The following ATP9B variants were observed in gnomAD, a reference collection of about 807,000 sequenced individuals.
ATP9B encodes probable phospholipid-transporting ATPase IIB.
Under a neutral mutation model 146.1 loss-of-function variants are expected in ATP9B, and 110 were observed. The observed-to-expected ratio is 0.75, with a 90% CI of 0.65 to 0.88. ATP9B has a LOEUF of 0.88. ATP9B is among the 40% of genes least tolerant of loss of function. ATP9B has a pLI of 0.00. For missense variants in ATP9B, 1,499 were observed against 1,496.4 expected (o/e 1.00, Z -0.03); for synonymous variants, 604 against 569.7 (o/e 1.06, Z -0.86).
chr18:79,313,758 T>G (rs1287953736), intron 15 of ATP9B, among the ~76,000 whole-genome samples: 1 of 152,224 alleles, frequency 6.6e-6, no homozygotes, highest in Non-Finnish European at 1.5e-5. Flanking sequence ...AACCTTACAG[T>G]TAAATTTTTT....
intron 7 of ATP9B, among the ~76,000 whole-genome samples, chr18:79,171,883 T>TG (rs2095077608): frequency 2.1e-5 from 3 of 144,758 alleles, no homozygotes; most frequent in African/African-American, 8.2e-5. Context: ...GACTCGTTTT[T>TG]TTTTGTTTGT....
intron 8 of ATP9B, among the ~76,000 whole-genome samples, chr18:79,178,553 G>A (rs1404559796): frequency 6.6e-6 from 1 of 152,090 alleles, no homozygotes; most frequent in African/African-American, 2.4e-5. Flanking sequence ...TCTAGTCTTA[G>A]TTTGCTGAGA....
intron 11 of ATP9B, among the ~76,000 whole-genome samples, chr18:79,221,397 G>A (rs898790486): frequency 1.3e-5 from 2 of 152,216 alleles, no homozygotes; most frequent in African/African-American, 4.8e-5. Flanking sequence ...TCAGCTGCAG[G>A]TTCATTGAGG....
chr18:79,193,271 A>T lies in ATP9B; in HGVS notation c.954+8A>T. The T allele has an allele frequency of 1.3e-6, 2 of 1,588,876 alleles. No individual in the cohort carries two copies. Among genetic ancestry groups the T allele is most frequent in the South Asian group, 2.2e-5 (2 of 90,332 alleles). On this transcript the variant is annotated splice_region_variant and intron_variant, in intron 9 of 29. Transcript: ENST00000426216. Reference sequence around the variant, plus strand: ...GAAGGCACATTTACCAGGGTAAGTTAAACCTGTTGTTCAATACAAATAGAG... The same window carrying T: ...GAAGGCACATTTACCAGGGTAAGTTTAACCTGTTGTTCAATACAAATAGAG...
At chr18:79,345,344 C>T in intron 21 of ATP9B, 84 bp from the exon 22 acceptor site, 1 of 1,512,064 alleles carries the variant, frequency 6.6e-7, no homozygotes, top group South Asian at 1.2e-5. Flanking sequence ...GCTTTGCTCC[C>T]ATGGTTTTGC....
At chr18:79,094,963 G>A (rs1158431468) in intron 1 of ATP9B, among the ~76,000 whole-genome samples, 1 of 152,160 alleles carries the variant, frequency 6.6e-6, no homozygotes, top group Non-Finnish European at 1.5e-5. Flanking sequence ...TGGCCTCTGG[G>A]TACTTAAAAC....
intron 12 of ATP9B, among the ~76,000 whole-genome samples, chr18:79,269,137 C>T (rs925370876): frequency 5.9e-5 from 9 of 152,202 alleles, no homozygotes; most frequent in Non-Finnish European, 1.3e-4. Context: ...TCAGATGCTG[C>T]CCCGTCCCCA....
chr18:79,200,750 T>TGGAGGTGGGAACTGTCGGGGC (rs1568388691), intron 9 of ATP9B, among the ~76,000 whole-genome samples: 5 of 73,882 alleles, frequency 6.8e-5, no homozygotes, highest in Admixed American at 1.4e-4. Flanking sequence ...AGAGCAGAGG[T>TGGAGGTGGGAACTGTCGGGGC]GGAGGTGGGA....
intron 5 of ATP9B, among the ~76,000 whole-genome samples, chr18:79,143,532 CATG>C (rs945355473): frequency 6.6e-6 from 1 of 152,144 alleles, no homozygotes; most frequent in Non-Finnish European, 1.5e-5. Context: ...AATTACAAAA[CATG>C]GGAATAATCT....
chr18:79,343,850 C>A (rs2096871767), intron 20 of ATP9B: 1 of 265,218 alleles, frequency 3.8e-6, no homozygotes, highest in Non-Finnish European at 7.2e-6. Flanking sequence ...GTTAAATAAT[C>A]ACCTCGTGGG....
At chr18:79,253,590 G>A in intron 12 of ATP9B, 49 bp downstream of exon 12, 1 of 1,497,404 alleles carries the variant, frequency 6.7e-7, no homozygotes, top group Non-Finnish European at 9.0e-7. Flanking sequence ...CATTGAGTAT[G>A]ATTTTATTGA....
intron 29 of ATP9B, chr18:79,376,214 C>CACACAAAAAAAA: frequency 4.8e-4 from 424 of 882,752 alleles, no homozygotes; most frequent in African/African-American, 2.5e-3. Flanking sequence ...CACACACACA[C>CACACAAAAAAAA]AAAACAAAAC....
At chr18:79,197,755 CAA>C (rs1460788741) in intron 9 of ATP9B, among the ~76,000 whole-genome samples, 2 of 152,060 alleles carry the variant, frequency 1.3e-5, no homozygotes, top group Admixed American at 6.6e-5. Flanking sequence ...AAGTAGAAAA[CAA>C]AGAGCAGCAA....
At chr18:79,071,276 G>C (rs1483987727) in intron 1 of ATP9B, among the ~76,000 whole-genome samples, 1 of 150,534 alleles carries the variant, frequency 6.6e-6, no homozygotes, top group Admixed American at 6.6e-5. Flanking sequence ...TCATGTCCTG[G>C]GTATCAGATG....
In ATP9B at chr18:79,373,979, T is replaced by G; in HGVS notation, c.3152T>G (p.Ile1051Ser). 1.2e-6 allele frequency: 2 copies of G among 1,614,094 alleles called. No individual in the cohort carries two copies. The highest frequency in any genetic ancestry group is 1.7e-6 in the Non-Finnish European group (2 of 1,180,032). The stretch of plus-strand genomic sequence containing the variant: ...GTGGCCATCTCCTTCACCGCACTGA[T>G]CCTGACCGAGCTGCTGATGGTGGCG... ...HVVAISFTAL[I>S]LTELLMVALT... is the part of the protein sequence containing the mutation. Residue 1051 changes from isoleucine (I) to serine (S), a missense_variant, in exon 28 of 30, where the codon ATC (isoleucine) becomes AGC (serine). By Grantham distance (142) the Ile-to-Ser change is moderately radical. Coordinates refer to ENST00000426216, the MANE Select transcript of ATP9B (RefSeq NM_198531.5).
intron 10 of ATP9B, chr18:79,209,405 A>T (rs533397831): frequency 6.6e-6 from 1 of 152,320 alleles, no homozygotes; most frequent in East Asian, 1.9e-4. Context: ...GGTGCTGCAT[A>T]AACATATATT....
intron 29 of ATP9B, among the ~76,000 whole-genome samples, chr18:79,376,696 CTTT>C (rs35556122): frequency 1.5e-5 from 2 of 129,272 alleles, no homozygotes; most frequent in Non-Finnish European, 1.6e-5. Context: ...GGCCTACAAC[CTTT>C]TTTTTTTTTT....
intron 11 of ATP9B, among the ~76,000 whole-genome samples, chr18:79,228,875 A>C (rs1213272893): frequency 6.6e-6 from 1 of 152,070 alleles, no homozygotes; most frequent in Non-Finnish European, 1.5e-5. Context: ...AAATAAAAAA[A>C]ATTAGGTGGG....
At chr18:79,118,985 T>A (rs1272410598) in intron 4 of ATP9B, among the ~76,000 whole-genome samples, 1 of 151,804 alleles carries the variant, frequency 6.6e-6, no homozygotes, top group Non-Finnish European at 1.5e-5. Flanking sequence ...GTTGGAGGAT[T>A]GCTTGAGCCT....
Sources: allele counts gnomAD v4.1 joint callset (sites outside exome capture counted in the v4.1 genomes callset), GRCh38; gene constraint gnomAD v4.1.1; transcripts MANE v1.5; gene names NCBI Gene and HGNC (gene_info 2026-07-23, HGNC 2026-07-21).